MTCL1: variants seen among roughly 807,000 people sequenced by gnomAD.
MTCL1 encodes microtubule cross-linking factor 1.
Under a neutral mutation model 141.4 loss-of-function variants are expected in MTCL1, and 79 were observed. The observed-to-expected ratio is 0.56, with a 90% CI of 0.47 to 0.67. The LOEUF is 0.67. Ranked by LOEUF, MTCL1 falls within the 30% of genes least tolerant of loss-of-function variation. The probability of loss-of-function intolerance (pLI) is 0.00; values close to 1 mark genes in which losing one functional copy is unlikely to be tolerated. For synonymous variants in MTCL1, 914 were observed against 875.8 expected, an observed-to-expected ratio of 1.04 and a Z score of -0.77; for missense variants, 2,177 against 2,113.9, an observed-to-expected ratio of 1.03 and a Z score of -0.59.
At chr18:8,806,792 G>C (rs184671624) in intron 10 of MTCL1, 101 bp from the exon 10 acceptor site, 2 of 1,301,228 alleles carry the variant, frequency 1.5e-6, no homozygotes, top group African/African-American at 2.9e-5. Context: ...CAACACCTGG[G>C]AAACAGCCCC....
At chr18:8,737,460 G>A (rs976808286) in intron 4 of MTCL1, among the ~76,000 whole-genome samples, 6 of 152,252 alleles carry the variant, frequency 3.9e-5, no homozygotes, top group Non-Finnish European at 8.8e-5. Flanking sequence ...GGGCCAGGCA[G>A]TGAGGGGCAT....
At chr18:8,783,971 T>A in exon 6 of MTCL1, 1 of 1,613,264 alleles carries the variant, frequency 6.2e-7, no homozygotes, top group Non-Finnish European at 8.5e-7. Context: ...GGAAGCGGAG[T>A]TGCTCCGGAG....
intron 10 of MTCL1, among the ~76,000 whole-genome samples, chr18:8,805,877 A>G (rs1054063157): frequency 1.3e-5 from 2 of 152,214 alleles, no homozygotes; most frequent in African/African-American, 4.8e-5. Flanking sequence ...TAATTGATTC[A>G]GCGTGTTTCA....
exon 15 of MTCL1, chr18:8,825,770 T>A: frequency 6.2e-7 from 1 of 1,614,060 alleles, no homozygotes; most frequent in Non-Finnish European, 8.5e-7. Flanking sequence ...AAGGGTACAG[T>A]GAGTCAGCCT....
At chr18:8,783,887 A>G (rs144657710) in exon 6 of MTCL1, 3 of 1,613,286 alleles carry the variant, frequency 1.9e-6, no homozygotes, top group East Asian at 2.2e-5. Context: ...CGCACCCAGC[A>G]TTCCTACCTC....
rs372807917 is a variant in MTCL1, at chr18:8,825,915, C to T, written c.4405C>T (p.Arg1469Trp). 160 of 1,609,846 alleles carry T rather than the reference C, an allele frequency of 9.9e-5. No homozygotes were observed. The East Asian group carries it at 1.7e-3, about 17-fold the overall frequency. The change falls in exon 15 of 17, where the codon CGG becomes TGG. Residue 1469 changes from arginine (R) to tryptophan (W), a missense_variant. Transcript: ENST00000359865. The stretch of plus-strand genomic sequence containing the variant: ...CCAGAAGGGGCTGCGGGCCGGCAGT[C>T]GGTCTCGCTCAGCAGAGCCCCGACC...
At chr18:8,780,074 C>T (rs889811980) in intron 5 of MTCL1, among the ~76,000 whole-genome samples, 2 of 152,294 alleles carry the variant, frequency 1.3e-5, no homozygotes, top group South Asian at 2.1e-4. Flanking sequence ...GTATAACCTC[C>T]AGCGTGTTTC....
At chr18:8,807,712 A>C (rs1439949913) in intron 11 of MTCL1, among the ~76,000 whole-genome samples, 1 of 152,060 alleles carries the variant, frequency 6.6e-6, no homozygotes, top group Non-Finnish European at 1.5e-5. Context: ...CATAACAAGA[A>C]ACATCCTTTC....
chr18:8,786,110 T>TCGC lies in MTCL1; in HGVS notation c.1887+20_1887+21insGCC. ...CCTGGAGGTCAGCGTGGGCAAGCAA[T>TCGC]CCCCCCCCCCCGCCCTCCCCCTCCT... On this transcript the variant is annotated intron_variant, in intron 7 of 16. Coordinates refer to ENST00000359865, the Ensembl canonical transcript of MTCL1. 1 of 1,310,346 alleles carries TCGC rather than the reference T, an allele frequency of 7.6e-7. No homozygotes were observed. Among genetic ancestry groups the TCGC allele is most frequent in the South Asian group, 1.3e-5 (1 of 77,210 alleles). 81.2% of individuals were successfully genotyped at this position (1,310,346 alleles called of 1,614,324 possible). A position where few individuals can be genotyped will look rare whatever the true frequency, so the allele number is the denominator to read the frequency against.
chr18:8,728,883 C>T (rs752374203), intron 4 of MTCL1, among the ~76,000 whole-genome samples: 14 of 151,454 alleles, frequency 9.2e-5, no homozygotes, highest in East Asian at 2.0e-4. Flanking sequence ...TACAGGTGCA[C>T]GCCACCATGC....
chr18:8,821,459 CT>C lies in MTCL1; in HGVS notation c.3157-5del. 2.1e-6 allele frequency: 3 copies of C among 1,444,384 alleles called. No individual in the cohort carries two copies. Among genetic ancestry groups the C allele is most frequent in the Non-Finnish European group, 2.9e-6 (3 of 1,037,070 alleles). 89.5% of individuals were successfully genotyped at this position (1,444,384 alleles called of 1,614,324 possible). ...ACCGATTCAGATGAAGTTATTTCTT[CT>C]TTATAGGAAGAAGAAAATCACAAAG... On this transcript the variant is annotated splice_region_variant and splice_polypyrimidine_tract_variant and intron_variant, in intron 13 of 16. Transcript: ENST00000359865.
chr18:8,774,369 G>T (rs2096496907), intron 4 of MTCL1, among the ~76,000 whole-genome samples: 1 of 151,974 alleles, frequency 6.6e-6, no homozygotes, highest in African/African-American at 2.4e-5. Context: ...TTCCCATTAG[G>T]CAGCATTAAG....
chr18:8,720,202 C>T (rs2096160124), intron 3 of MTCL1, 136 bp from the exon 3 acceptor site: 2 of 761,690 alleles, frequency 2.6e-6, no homozygotes, highest in African/African-American at 3.5e-5. Flanking sequence ...AACAATAAGT[C>T]AGTTGTGTAT....
At chr18:8,716,568 CATTT>C (rs1460166545), upstream of MTCL1, among the ~76,000 whole-genome samples, 12 of 108,864 alleles carry the variant, frequency 1.1e-4, no homozygotes, top group African/African-American at 3.7e-4. Context: ...TCTTTTTGTT[CATTT>C]TTTTTTTTTT....
chr18:8,731,412 A>G (rs937734466), intron 4 of MTCL1, among the ~76,000 whole-genome samples: 4 of 151,886 alleles, frequency 2.6e-5, no homozygotes, highest in Non-Finnish European at 5.9e-5. Context: ...CGTCTGTACT[A>G]AAAATACAAA....
At chr18:8,829,031 C>T in intron 16 of MTCL1, 1 of 1,612,598 alleles carries the variant, frequency 6.2e-7, no homozygotes, top group Non-Finnish European at 8.5e-7. Flanking sequence ...GCAGTTGGCA[C>T]CTGACGCTCA....
exon 17 of MTCL1, chr18:8,832,722 C>G (rs945312189): frequency 6.6e-6 from 1 of 152,136 alleles, no homozygotes; most frequent in Non-Finnish European, 1.5e-5. Flanking sequence ...CATGATGATG[C>G]CTCTGGGTCT....
intron 4 of MTCL1, among the ~76,000 whole-genome samples, chr18:8,754,628 T>C (rs867022858): frequency 6.6e-6 from 1 of 152,222 alleles, no homozygotes; most frequent in Non-Finnish European, 1.5e-5. Flanking sequence ...TGGAATCTTA[T>C]GATAGATGCA....
chr18:8,796,557 C>G, intron 9 of MTCL1, 95 bp downstream of exon 8: 1 of 1,196,526 alleles, frequency 8.4e-7, no homozygotes, highest in Non-Finnish European at 1.2e-6. Context: ...CAGTCATGTT[C>G]TATTATTTTA....
Sources: allele counts gnomAD v4.1 joint callset (sites outside exome capture counted in the v4.1 genomes callset), GRCh38; gene constraint gnomAD v4.1.1; transcripts MANE v1.5; gene names NCBI Gene and HGNC (gene_info 2026-07-23, HGNC 2026-07-21).